The following AHI1 variants were observed in gnomAD, a reference collection of about 807,000 sequenced individuals.
The protein encoded by AHI1 is Abelson helper integration site 1.
Under a neutral mutation model 149.3 loss-of-function variants are expected in AHI1, and 123 were observed. The ratio of observed to expected loss-of-function variants is 0.82; its 90% confidence interval spans 0.71 to 0.96. The LOEUF is 0.96. Ranked by LOEUF, AHI1 falls within the 40% of genes least tolerant of loss-of-function variation. The probability of loss-of-function intolerance (pLI) is 0.00; values close to 1 mark genes in which losing one functional copy is unlikely to be tolerated. For synonymous variants in AHI1, 475 were observed against 459.8 expected, an observed-to-expected ratio of 1.03 and a Z score of -0.42; for missense variants, 1,439 against 1,422.7, an observed-to-expected ratio of 1.01 and a Z score of -0.18.
At chr6:135,308,228 A>C (rs767073524) in intron 26 of AHI1, among the ~76,000 whole-genome samples, 1 of 152,146 alleles carries the variant, frequency 6.6e-6, no homozygotes, top group Admixed American at 6.5e-5. Context: ...ACTGATATTT[A>C]GGTTAATCCT....
At chr6:135,343,293 G>A in intron 24 of AHI1, among the ~76,000 whole-genome samples, 1 of 151,648 alleles carries the variant, frequency 6.6e-6, no homozygotes. Flanking sequence ...CTAAATAAAT[G>A]GACCCATGCT....
At chr6:135,416,516 C>T (rs112747841) in intron 20 of AHI1, among the ~76,000 whole-genome samples, 3,880 of 151,270 alleles carry the variant, frequency 0.026, 64 homozygotes, top group Non-Finnish European at 0.039. Flanking sequence ...GTTTAAACTA[C>T]GGTGTATTCA....
chr6:135,448,992 G>A (rs977441957), intron 11 of AHI1, among the ~76,000 whole-genome samples: 9 of 151,868 alleles, frequency 5.9e-5, no homozygotes, highest in Non-Finnish European at 1.2e-4. Context: ...TTCTTTCAAA[G>A]GTCTATTTTT....
chr6:135,368,360 T>C (rs1473556962), intron 23 of AHI1, among the ~76,000 whole-genome samples: 1 of 152,002 alleles, frequency 6.6e-6, no homozygotes, highest in Non-Finnish European at 1.5e-5. Context: ...ACATAAGCTG[T>C]GGTAGAATAG....
intron 7 of AHI1, 104 bp downstream of exon 7, chr6:135,465,709 TA>T: frequency 1.0e-6 from 1 of 960,494 alleles, no homozygotes; most frequent in Non-Finnish European, 1.4e-6. Flanking sequence ...TGTCTCCAAA[TA>T]AAAGCGTAAG....
chr6:135,438,566 T>C, intron 14 of AHI1, 68 bp from the exon 15 acceptor site: 1 of 1,227,852 alleles, frequency 8.1e-7, no homozygotes, highest in South Asian at 2.2e-5. Context: ...TACAAATATA[T>C]AATTTAATAT....
rs930761673 is a variant in AHI1, at chr6:135,322,829, G to A, written c.3328+333C>T. ...GCTCTTAAGATGCCAGTCAGCTGAGGAGGCACTGTGGCTAGAGAAGAACTG... is the reference window on the plus strand; with the variant it reads ...GCTCTTAAGATGCCAGTCAGCTGAGAAGGCACTGTGGCTAGAGAAGAACTG... On this transcript the variant is annotated intron_variant, in intron 25 of 28. Transcript: ENST00000265602. Among the ~76,000 whole-genome samples the A allele has an allele frequency of 9.2e-5, 14 of 152,320 alleles. 1 individual carries two copies. The highest frequency in any genetic ancestry group is 6.5e-5 in the Admixed American group (1 of 15,298).
At chr6:135,301,674 A>G in intron 26 of AHI1, 1 of 985,454 alleles carries the variant, frequency 1.0e-6, no homozygotes, top group Non-Finnish European at 1.2e-6. Context: ...AAGAGCAAGG[A>G]GACTTTTTGG....
chr6:135,440,651 T>C (rs944505233), intron 14 of AHI1, among the ~76,000 whole-genome samples: 5 of 152,138 alleles, frequency 3.3e-5, no homozygotes, highest in Admixed American at 6.6e-5. Context: ...CAGAGTCTCT[T>C]GGCAAAGACC....
At chr6:135,456,027 G>GTCA in intron 9 of AHI1, 101 bp from the exon 10 acceptor site, 1 of 732,752 alleles carries the variant, frequency 1.4e-6, no homozygotes, top group Non-Finnish European at 2.0e-6. Context: ...ATAATGAATA[G>GTCA]TCATAATAAT....
At chr6:135,424,290 G>T (rs1273291825) in intron 20 of AHI1, among the ~76,000 whole-genome samples, 1 of 151,876 alleles carries the variant, frequency 6.6e-6, no homozygotes, top group African/African-American at 2.4e-5. Context: ...TATATGTAAG[G>T]TAAAATGCTT....
chr6:135,465,767 CAG>C, intron 7 of AHI1, 45 bp downstream of exon 7: 1 of 1,376,898 alleles, frequency 7.3e-7, no homozygotes, highest in South Asian at 1.8e-5. Context: ...CTGAAAATAA[CAG>C]TGTTTTTCTA....
chr6:135,387,793 A>T (rs976080355), intron 23 of AHI1: 2 of 1,327,600 alleles, frequency 1.5e-6, no homozygotes, highest in Non-Finnish European at 1.9e-6. Flanking sequence ...ATAACCTCAT[A>T]CTGTTTATTC....
chr6:135,286,510 C>T (rs190399554), intron 28 of AHI1: 5 of 152,352 alleles, frequency 3.3e-5, no homozygotes, highest in Non-Finnish European at 7.3e-5. Context: ...TAGCAGTCAA[C>T]TCCATCGACC....
intron 19 of AHI1, 53 bp downstream of exon 19, chr6:135,428,576 C>T: frequency 6.7e-7 from 1 of 1,487,478 alleles, no homozygotes; most frequent in South Asian, 1.5e-5. Flanking sequence ...TTTCACACTT[C>T]TTCAAACCCC....
At position 135,467,626 on chromosome 6, in the gene AHI1, A is replaced by G. The variant is rs1490774578; in HGVS notation, c.144T>C (p.Thr48=). 1 of 1,605,770 alleles carries G rather than the reference A, an allele frequency of 6.2e-7. No individual in the cohort carries two copies. Among genetic ancestry groups the G allele is most frequent in the African/African-American group, 1.3e-5 (1 of 74,768 alleles). The change falls in exon 6 of 29, where the codon ACT becomes ACC. Residue 48 remains threonine (T), a synonymous_variant. Transcript: ENST00000265602. ...VRSEENISPD[T]IRSNLHYMKE... ...TCATATAGTGAAGATTGCTTCTAAT[A>G]GTGTCAGGCTAAAAAGGAAGACATA...
chr6:135,374,045 C>A (rs1369938151), intron 23 of AHI1, among the ~76,000 whole-genome samples: 1 of 145,584 alleles, frequency 6.9e-6, no homozygotes, highest in African/African-American at 2.5e-5. Context: ...AATACAGTTA[C>A]TGAAGGCAGA....
chr6:135,301,039 T>C, intron 26 of AHI1: 8 of 985,060 alleles, frequency 8.1e-6, no homozygotes, highest in Non-Finnish European at 9.6e-6. Context: ...TATCTTGTTT[T>C]ATTAATGGCA....
chr6:135,300,747 C>T (rs1346287082), intron 26 of AHI1, 189 bp from the exon 27 acceptor site: 44 of 1,218,566 alleles, frequency 3.6e-5, no homozygotes, highest in Non-Finnish European at 4.2e-5. Flanking sequence ...CCATGAAAAA[C>T]CAAGGAAGTA....
Sources: gnomAD v4.1 joint callset for allele counts (sites outside exome capture counted in the v4.1 genomes callset) on GRCh38, gnomAD v4.1.1 for gene constraint, MANE v1.5 for transcripts, NCBI Gene and HGNC (gene_info 2026-07-23, HGNC 2026-07-21) for gene names.